Variants in MSRA observed in about 807,000 individuals in gnomAD.
MSRA encodes methionine sulfoxide reductase A, also known as mitochondrial peptide methionine sulfoxide reductase.
In MSRA, 54 loss-of-function variants were observed where a neutral mutation model predicts 31.3. The ratio of observed to expected loss-of-function variants is 1.73; its 90% CI spans 1.39 to 2.17. The LOEUF (loss-of-function observed/expected upper bound fraction) is 2.17. MSRA is among the 30% of genes most tolerant of loss of function. The probability of loss-of-function intolerance (pLI) is 0.00; values close to 1 mark genes in which losing one functional copy is unlikely to be tolerated. For missense variants in MSRA, 507 were observed against 300.9 expected (o/e 1.69, Z -5.07); for synonymous variants, 169 against 116.5 (o/e 1.45, Z -2.90).
chr8:10,224,382 C>G (rs186168103), intron 2 of MSRA, among the ~76,000 whole-genome samples: 13 of 152,154 alleles, frequency 8.5e-5, no homozygotes, highest in Non-Finnish European at 1.3e-4. Flanking sequence ...TGAAGTCTCT[C>G]GCTACAGCCC....
In MSRA at chr8:10,406,649, T is replaced by G. The variant is rs1005202547; in HGVS notation, c.544-21499T>G. On this transcript the variant is annotated intron_variant, in intron 5 of 5. Coordinates refer to ENST00000317173, the MANE Select transcript of MSRA (RefSeq NM_012331.5). ...CTCTCTTTTCCCTCCTGGCATAAGT[T>G]AAACGGACAACCTACTTTCAAACAC... is the stretch of plus-strand genomic sequence containing the variant. Among the ~76,000 whole-genome samples the G allele has an allele frequency of 1.3e-5, 2 of 152,206 alleles. 1 individual carries two copies. Among genetic ancestry groups the G allele is most frequent in the Admixed American group, 1.3e-4 (2 of 15,278 alleles).
chr8:10,288,760 C>A (rs1435270116), intron 3 of MSRA, among the ~76,000 whole-genome samples: 1 of 152,170 alleles, frequency 6.6e-6, no homozygotes, highest in Non-Finnish European at 1.5e-5. Flanking sequence ...AGCAATCCTG[C>A]CACATCCTTC....
At chr8:10,367,559 G>T (rs939291068) in intron 5 of MSRA, among the ~76,000 whole-genome samples, 1 of 152,174 alleles carries the variant, frequency 6.6e-6, no homozygotes, top group African/African-American at 2.4e-5. Flanking sequence ...TGCACTGTAG[G>T]TCTTATCTCA....
intron 1 of MSRA, among the ~76,000 whole-genome samples, chr8:10,079,028 G>T (rs972876597): frequency 1.3e-5 from 2 of 152,228 alleles, no homozygotes; most frequent in African/African-American, 2.4e-5. Context: ...ATTCACCGCT[G>T]TGTGCTGGCA....
intron 1 of MSRA, among the ~76,000 whole-genome samples, chr8:10,187,512 T>C (rs1807153078): frequency 6.6e-6 from 1 of 152,122 alleles, no homozygotes; most frequent in Non-Finnish European, 1.5e-5. Context: ...ACAACCACCC[T>C]TTCAAAAATC....
intron 1 of MSRA, among the ~76,000 whole-genome samples, chr8:10,140,880 A>T (rs951763474): frequency 5.3e-5 from 8 of 152,186 alleles, no homozygotes; most frequent in Non-Finnish European, 8.8e-5. Context: ...ACAGACACAG[A>T]CACACTCGGA....
intron 3 of MSRA, among the ~76,000 whole-genome samples, chr8:10,265,286 G>A (rs1328334552): frequency 6.6e-6 from 1 of 152,152 alleles, no homozygotes; most frequent in Non-Finnish European, 1.5e-5. Flanking sequence ...AGCAGACATG[G>A]AGTCAAAGGC....
intron 1 of MSRA, among the ~76,000 whole-genome samples, chr8:10,066,489 T>C (rs150499025): frequency 1.4e-4 from 22 of 152,364 alleles, no homozygotes; most frequent in African/African-American, 4.8e-4. Flanking sequence ...ATCTTGCTTT[T>C]CTTGCTTAAT....
At chr8:10,276,782 A>C (rs573695369) in intron 3 of MSRA, among the ~76,000 whole-genome samples, 1 of 152,182 alleles carries the variant, frequency 6.6e-6, no homozygotes, top group Non-Finnish European at 1.5e-5. Context: ...TTTTTTATGT[A>C]AAACTAATAA....
At chr8:10,133,971 C>T (rs892354625) in intron 1 of MSRA, among the ~76,000 whole-genome samples, 1 of 152,110 alleles carries the variant, frequency 6.6e-6, no homozygotes, top group Non-Finnish European at 1.5e-5. Flanking sequence ...GCTGGGATTA[C>T]AGGCACCTGC....
intron 3 of MSRA, among the ~76,000 whole-genome samples, chr8:10,300,542 C>T (rs1290992870): frequency 2.6e-5 from 4 of 152,134 alleles, no homozygotes; most frequent in Admixed American, 1.3e-4. Flanking sequence ...AGGCATCCAC[C>T]ACCACACCCA....
intron 1 of MSRA, among the ~76,000 whole-genome samples, chr8:10,163,710 A>G (rs1804871716): frequency 1.3e-5 from 2 of 152,244 alleles, no homozygotes; most frequent in Admixed American, 1.3e-4. Flanking sequence ...TTTATCGATA[A>G]GAGTGAAGGA....
rs908168774 is a variant in MSRA at position 10,428,354 on chromosome 8, G to C, written c.*42G>C. On this transcript the variant is annotated 3_prime_UTR_variant, in exon 6 of 6. Coordinates refer to ENST00000317173, the MANE Select transcript of MSRA (RefSeq NM_012331.5). ...GGGCCTTTGAGGTTCCAGTAAAAAT[G>C]CTTTCAACAAATTGGGCAATGCTTG... 1.9e-6 allele frequency: 3 copies of C among 1,598,586 alleles called. No homozygotes were observed. The highest frequency in any genetic ancestry group is 2.2e-5 in the East Asian group (1 of 44,796).
intron 5 of MSRA, among the ~76,000 whole-genome samples, chr8:10,328,625 C>T (rs4841317): frequency 0.47 from 70,803 of 151,946 alleles, 17,977 homozygotes; most frequent in East Asian, 0.99. Flanking sequence ...TGAACTCCTT[C>T]GCATGGTCTA....
chr8:10,286,302 A>AT (rs1342949438), intron 3 of MSRA, among the ~76,000 whole-genome samples: 1 of 151,906 alleles, frequency 6.6e-6, no homozygotes, highest in Admixed American at 6.6e-5. Flanking sequence ...ACCTGGTGGG[A>AT]GGTAATTGAA....
At chr8:10,305,862 C>G (rs1801110892) in intron 4 of MSRA, among the ~76,000 whole-genome samples, 1 of 152,202 alleles carries the variant, frequency 6.6e-6, no homozygotes, top group Non-Finnish European at 1.5e-5. Context: ...ACGGATTAGC[C>G]TAAGGAGGAA....
At chr8:10,139,848 G>C (rs565672887) in intron 1 of MSRA, among the ~76,000 whole-genome samples, 40 of 152,352 alleles carry the variant, frequency 2.6e-4, no homozygotes, top group Admixed American at 5.9e-4. Flanking sequence ...AGTGTCCTGA[G>C]TGTAAGAAGT....
chr8:10,296,176 C>G (rs1367429433), intron 3 of MSRA, among the ~76,000 whole-genome samples: 3 of 152,112 alleles, frequency 2.0e-5, no homozygotes, highest in East Asian at 3.9e-4. Context: ...GTAGTACACA[C>G]AACTGAGACT....
chr8:10,405,754 CAT>C (rs1563444416), intron 5 of MSRA, among the ~76,000 whole-genome samples: 1 of 151,644 alleles, frequency 6.6e-6, no homozygotes, highest in Non-Finnish European at 1.5e-5. Flanking sequence ...CACACACACC[CAT>C]GTGCTCACAC....
Sources: allele counts gnomAD v4.1 joint callset (sites outside exome capture counted in the v4.1 genomes callset), GRCh38; gene constraint gnomAD v4.1.1; transcripts MANE v1.5; gene names NCBI Gene and HGNC (gene_info 2026-07-23, HGNC 2026-07-21).